The following IL1RAPL2 variants were observed in gnomAD, a reference collection of about 807,000 sequenced individuals.
The protein encoded by IL1RAPL2 is interleukin 1 receptor accessory protein like 2.
IL1RAPL2 carries 3 observed loss-of-function variants against 44.1 expected under a neutral mutation model. The observed-to-expected ratio is 0.07, with a 90% CI of 0.03 to 0.18. The LOEUF (loss-of-function observed/expected upper bound fraction) is 0.18. Ranked by LOEUF, IL1RAPL2 falls within the 10% of genes least tolerant of loss-of-function variation. IL1RAPL2 has a pLI of 1.00. For synonymous variants in IL1RAPL2, 181 were observed against 178.8 expected, an observed-to-expected ratio of 1.01 and a Z score of -0.10; for missense variants, 391 against 496.4, an observed-to-expected ratio of 0.79 and a Z score of 2.02.
At chrX:104,872,914 A>G (rs1450823499) in intron 2 of IL1RAPL2, among the ~76,000 whole-genome samples, 1 of 111,425 alleles carries the variant, frequency 9.0e-6, no homozygotes, top group Non-Finnish European at 1.9e-5. Flanking sequence ...ACCAAGAAAT[A>G]TACTTCACAG....
chrX:105,705,183 A>G (rs1310718329), intron 6 of IL1RAPL2, among the ~76,000 whole-genome samples: 2 of 110,170 alleles, frequency 1.8e-5, no homozygotes. Context: ...GGGGGGGATG[A>G]CTAATAAATA....
At chrX:104,685,613 A>G (rs1488052006) in intron 2 of IL1RAPL2, among the ~76,000 whole-genome samples, 2 of 111,439 alleles carry the variant, frequency 1.8e-5, no homozygotes, top group Non-Finnish European at 3.8e-5. Context: ...ATGTAGAAAG[A>G]ATAACCTGGG....
At chrX:104,876,151 C>T (rs989186353) in intron 2 of IL1RAPL2, among the ~76,000 whole-genome samples, 1 of 111,127 alleles carries the variant, frequency 9.0e-6, no homozygotes, top group African/African-American at 3.3e-5. Context: ...TAATGAAGGG[C>T]CTGTTCTGCA....
At chrX:104,862,077 G>A (rs1331618585) in intron 2 of IL1RAPL2, among the ~76,000 whole-genome samples, 6 of 110,908 alleles carry the variant, frequency 5.4e-5, no homozygotes, top group Non-Finnish European at 9.5e-5. Context: ...AAATGACAAG[G>A]TACAATTTGA....
chrX:105,707,424 A>G (rs1479906582), intron 6 of IL1RAPL2, among the ~76,000 whole-genome samples: 1 of 112,480 alleles, frequency 8.9e-6, no homozygotes, highest in Non-Finnish European at 1.9e-5. Flanking sequence ...TGAGAATCAA[A>G]CAAGTACTAT....
chrX:104,597,293 G>A (rs1018347459), intron 1 of IL1RAPL2, among the ~76,000 whole-genome samples: 6 of 105,643 alleles, frequency 5.7e-5, no homozygotes, highest in Admixed American at 1.0e-4. Context: ...GCAGTGAGCC[G>A]AGATCAGGCC....
intron 2 of IL1RAPL2, among the ~76,000 whole-genome samples, chrX:105,092,907 G>A (rs915001453): frequency 3.6e-5 from 4 of 110,450 alleles, no homozygotes; most frequent in Non-Finnish European, 5.7e-5. Flanking sequence ...ATAAAATAAT[G>A]TATAACCCTA....
chrX:104,813,244 A>C (rs775514589), intron 2 of IL1RAPL2, among the ~76,000 whole-genome samples: 1 of 111,344 alleles, frequency 9.0e-6, no homozygotes, highest in Non-Finnish European at 1.9e-5. Context: ...GGGAGAAGGG[A>C]TTGCTTTAGG....
intron 2 of IL1RAPL2, among the ~76,000 whole-genome samples, chrX:104,887,383 T>G (rs1923280261): frequency 8.9e-6 from 1 of 112,422 alleles, no homozygotes; most frequent in Admixed American, 9.4e-5. Context: ...CTTAGACTCG[T>G]GGGACAACCC....
chrX:104,761,494 C>A (rs1017238091), intron 2 of IL1RAPL2, among the ~76,000 whole-genome samples: 10 of 110,143 alleles, frequency 9.1e-5, no homozygotes, highest in Non-Finnish European at 1.9e-4. Context: ...TATCATTCTC[C>A]TCCGGCCCCT....
chrX:104,749,137 A>G (rs931776337), intron 2 of IL1RAPL2, among the ~76,000 whole-genome samples: 2 of 111,488 alleles, frequency 1.8e-5, no homozygotes, highest in Non-Finnish European at 3.8e-5. Context: ...CTAGATACCA[A>G]TGTTAGGATT....
intron 6 of IL1RAPL2, among the ~76,000 whole-genome samples, chrX:105,662,038 T>C (rs1026023359): frequency 8.9e-6 from 1 of 112,428 alleles, no homozygotes; most frequent in African/African-American, 3.2e-5. Flanking sequence ...AGTTGTCTAA[T>C]TACACTGTGA....
chrX:105,497,229 T>C (rs28714478), intron 6 of IL1RAPL2, among the ~76,000 whole-genome samples: 4,414 of 110,737 alleles, frequency 0.04, 232 homozygotes, highest in African/African-American at 0.14. Context: ...GAAGATACTA[T>C]TATGAACAAT....
At chrX:104,820,365 G>A (rs1921268233) in intron 2 of IL1RAPL2, among the ~76,000 whole-genome samples, 1 of 111,353 alleles carries the variant, frequency 9.0e-6, no homozygotes, top group Admixed American at 9.6e-5. Flanking sequence ...AGGCTTTTTT[G>A]GTTCCCATAT....
At chrX:104,858,108 C>T (rs1210865164) in intron 2 of IL1RAPL2, among the ~76,000 whole-genome samples, 2 of 110,536 alleles carry the variant, frequency 1.8e-5, no homozygotes, top group African/African-American at 6.6e-5. Flanking sequence ...GATAACAAGG[C>T]CATGTGTTGG....
intron 5 of IL1RAPL2, among the ~76,000 whole-genome samples, chrX:105,345,680 A>G (rs868024497): frequency 3.6e-5 from 4 of 111,243 alleles, no homozygotes; most frequent in Admixed American, 9.6e-5. Context: ...CATCCACCAA[A>G]CAAAGTGTTG....
chrX:104,658,863 C>G, intron 1 of IL1RAPL2, 32 bp from the exon 2 acceptor site: 1 of 1,015,101 alleles, frequency 9.9e-7, no homozygotes. Flanking sequence ...ATCTGTGGTT[C>G]AAACTTTATA....
intron 5 of IL1RAPL2, among the ~76,000 whole-genome samples, chrX:105,483,298 C>T (rs2036244436): frequency 9.0e-6 from 1 of 111,123 alleles, no homozygotes; most frequent in African/African-American, 3.3e-5. Flanking sequence ...CTCCAGAATT[C>T]AGCCCCATCC....
intron 5 of IL1RAPL2, among the ~76,000 whole-genome samples, chrX:105,273,982 C>T (rs1332363749): frequency 9.0e-6 from 1 of 111,514 alleles, no homozygotes; most frequent in Non-Finnish European, 1.9e-5. Flanking sequence ...AGATATAAAC[C>T]TAGGTCTTTC....
Sources: gnomAD v4.1 joint callset for allele counts (sites outside exome capture counted in the v4.1 genomes callset) on GRCh38, gnomAD v4.1.1 for gene constraint, MANE v1.5 for transcripts, NCBI Gene and HGNC (gene_info 2026-07-23, HGNC 2026-07-21) for gene names.